The following SLC16A9 variants were observed in gnomAD, a reference collection of about 807,000 sequenced individuals.
The protein encoded by SLC16A9 is monocarboxylate transporter 9.
SLC16A9 carries 26 observed loss-of-function variants against 44.3 expected under a neutral mutation model. The observed-to-expected ratio is 0.59, with a 90% CI of 0.43 to 0.81. The LOEUF (loss-of-function observed/expected upper bound fraction) is 0.81. SLC16A9 is among the 40% of genes least tolerant of loss of function. The pLI is 0.00. For synonymous variants in SLC16A9, 230 were observed against 225.1 expected (o/e 1.02, Z -0.19); for missense variants, 559 against 595.8 (o/e 0.94, Z 0.64).
At chr10:59,684,394 A>G (rs915501298) in intron 1 of SLC16A9, 67 bp from the exon 2 acceptor site, 2 of 795,880 alleles carry the variant, frequency 2.5e-6, no homozygotes, top group East Asian at 2.8e-5. Flanking sequence ...CTTGGGGTAA[A>G]AATATCTCCT....
chr10:59,694,817 T>TATATATATATATATATATATATATAC (rs145769219), intron 1 of SLC16A9, among the ~76,000 whole-genome samples: 1 of 47,712 alleles, frequency 2.1e-5, no homozygotes, highest in Non-Finnish European at 4.1e-5. Flanking sequence ...TATATATATA[T>TATATATATATATATATATATATATAC]ACACACACAC....
At chr10:59,663,509 C>T (rs1016933627) in intron 4 of SLC16A9, among the ~76,000 whole-genome samples, 3 of 151,496 alleles carry the variant, frequency 2.0e-5, no homozygotes, top group Non-Finnish European at 4.4e-5. Context: ...AACACAGGAA[C>T]GGAAAACCAA....
Position 59,652,831 on chromosome 10 carries a change from T to G in SLC16A9, c.1471A>C (p.Lys491Gln). The G allele has an allele frequency of 6.2e-7, 1 of 1,613,970 alleles. No individual in the cohort carries two copies. Among genetic ancestry groups the G allele is most frequent in the South Asian group, 1.1e-5 (1 of 91,038 alleles). Residue 491 changes from lysine to glutamine, a missense_variant, in exon 6 of 6, where the codon AAG becomes CAG. Lys to Gln is a moderately conservative substitution (Grantham distance 53, BLOSUM62 1). Coordinates refer to ENST00000395348, the MANE Select transcript of SLC16A9 (RefSeq NM_194298.3). Reference protein sequence around the residue: ...AALPSWDTCNKQLPKPAPTTF... With the variant: ...AALPSWDTCNQQLPKPAPTTF... ...GTTGGAGCTGGCTTGGGGAGTTGCTTGTTGCATGTATCCCAAGAGGGCAAG... is the reference window on the plus strand; with the variant it reads ...GTTGGAGCTGGCTTGGGGAGTTGCTGGTTGCATGTATCCCAAGAGGGCAAG...
intron 2 of SLC16A9, among the ~76,000 whole-genome samples, chr10:59,678,966 T>C (rs1564704278): frequency 6.6e-6 from 1 of 152,168 alleles, no homozygotes; most frequent in Admixed American, 6.5e-5. Context: ...CAAACCCAGC[T>C]CTGCCAGCAC....
chr10:59,690,594 G>A (rs774901710), intron 1 of SLC16A9, among the ~76,000 whole-genome samples: 11 of 152,176 alleles, frequency 7.2e-5, no homozygotes, highest in Non-Finnish European at 1.6e-4. Flanking sequence ...GGATAGGCCC[G>A]ATAGGTTTGG....
At chr10:59,701,056 A>G (rs1042520875) in intron 1 of SLC16A9, among the ~76,000 whole-genome samples, 6 of 152,156 alleles carry the variant, frequency 3.9e-5, no homozygotes, top group African/African-American at 1.4e-4. Flanking sequence ...CAAGATCTCA[A>G]CTGGATGTGC....
At position 59,684,146 on chromosome 10, in the gene SLC16A9, C is replaced by G; in HGVS notation, c.146G>C (p.Gly49Ala). The change falls in exon 2 of 6, where the codon GGA becomes GCA. Residue 49 changes from glycine to alanine, a missense_variant. By Grantham distance (60) the Gly-to-Ala change is moderately conservative. Coordinates refer to ENST00000395348, the MANE Select transcript of SLC16A9 (RefSeq NM_194298.3). ...EWLDAFGEGK[G>A]KTAWVGSLAS... ...CAGGGATCCAACCCAGGCTGTTTTT[C>G]CTTTTCCTTCACCAAAGGCATCCAG... 1 of 1,613,942 alleles carries G rather than the reference C, an allele frequency of 6.2e-7. No individual in the cohort carries two copies. The highest frequency in any genetic ancestry group is 8.5e-7 in the Non-Finnish European group (1 of 1,179,926).
At chr10:59,706,510 G>A (rs569051877) in intron 1 of SLC16A9, among the ~76,000 whole-genome samples, 12 of 152,180 alleles carry the variant, frequency 7.9e-5, no homozygotes, top group African/African-American at 2.9e-4. Flanking sequence ...ATACCCAAAG[G>A]AAAGCATTAT....
chr10:59,709,882 G>C (rs1180736653), upstream of SLC16A9: 1 of 153,038 alleles, frequency 6.5e-6, no homozygotes, highest in Non-Finnish European at 1.5e-5. Context: ...GTGGTTGGGG[G>C]AAGGAGGAGG....
chr10:59,676,804 T>G (rs998564296), intron 2 of SLC16A9, among the ~76,000 whole-genome samples: 3 of 150,924 alleles, frequency 2.0e-5, no homozygotes, highest in Non-Finnish European at 4.4e-5. Context: ...ATGCCTGTAA[T>G]CCCAGCTACT....
intron 3 of SLC16A9, among the ~76,000 whole-genome samples, chr10:59,668,819 T>A (rs1050179081): frequency 2.6e-5 from 4 of 152,200 alleles, no homozygotes; most frequent in African/African-American, 9.6e-5. Context: ...TAGTACCTTA[T>A]TACACCTGCA....
intron 3 of SLC16A9, among the ~76,000 whole-genome samples, chr10:59,666,422 T>C (rs2132434281): frequency 6.6e-6 from 1 of 152,292 alleles, no homozygotes; most frequent in South Asian, 2.1e-4. Context: ...CCTAAGATCT[T>C]TCATGAAGTT....
At chr10:59,697,918 A>G (rs960756830) in intron 1 of SLC16A9, among the ~76,000 whole-genome samples, 7 of 150,794 alleles carry the variant, frequency 4.6e-5, no homozygotes, top group Non-Finnish European at 7.4e-5. Flanking sequence ...GTAAAATAGG[A>G]TAAGAGTGGG....
At position 59,652,593 on chromosome 10, in the gene SLC16A9, T is replaced by G; in HGVS notation, c.*179A>C. ...ATAGAAAAAAATACGAGATAGAGGC[T>G]ACGCATACACTACATAAAAAATAGG... On this transcript the variant is annotated 3_prime_UTR_variant, in exon 6 of 6. Coordinates refer to ENST00000395348, the MANE Select transcript of SLC16A9 (RefSeq NM_194298.3). The G allele has an allele frequency of 1.9e-6, 1 of 532,764 alleles. No homozygotes were observed. The highest frequency in any genetic ancestry group is 3.2e-6 in the Non-Finnish European group (1 of 308,464). The allele number at this position is 532,764 out of a possible 1,614,324, so 33.0% of individuals were successfully genotyped here. A position where few individuals can be genotyped will look rare whatever the true frequency, so the allele number is the denominator to read the frequency against.
At chr10:59,662,824 G>C (rs1839513131) in intron 4 of SLC16A9, among the ~76,000 whole-genome samples, 1 of 152,044 alleles carries the variant, frequency 6.6e-6, no homozygotes, top group Admixed American at 6.6e-5. Context: ...AGAGGATGTA[G>C]AGAAATAGGA....
chr10:59,699,724 T>C (rs1353967066), intron 1 of SLC16A9, among the ~76,000 whole-genome samples: 1 of 151,902 alleles, frequency 6.6e-6, no homozygotes, highest in Non-Finnish European at 1.5e-5. Context: ...ACATAACTGG[T>C]AGTCAGAAAA....
intron 1 of SLC16A9, among the ~76,000 whole-genome samples, chr10:59,690,426 G>A (rs940098860): frequency 5.9e-5 from 9 of 152,150 alleles, no homozygotes; most frequent in African/African-American, 2.2e-4. Flanking sequence ...CAAGTGGATG[G>A]ATATTAAATG....
chr10:59,696,007 C>T (rs1840362214), intron 1 of SLC16A9, among the ~76,000 whole-genome samples: 1 of 152,156 alleles, frequency 6.6e-6, no homozygotes, highest in Non-Finnish European at 1.5e-5. Context: ...ACGATAGGAA[C>T]TGAGTAATGT....
chr10:59,684,489 A>G (rs1350391761), intron 1 of SLC16A9, among the ~76,000 whole-genome samples, 162 bp from the exon 2 acceptor site: 1 of 152,134 alleles, frequency 6.6e-6, no homozygotes, highest in Non-Finnish European at 1.5e-5. Context: ...TAACAAATAC[A>G]TTTGCATTTA....
Sources: allele counts gnomAD v4.1 joint callset (sites outside exome capture counted in the v4.1 genomes callset), GRCh38; gene constraint gnomAD v4.1.1; transcripts MANE v1.5; gene names NCBI Gene and HGNC (gene_info 2026-07-23, HGNC 2026-07-21).